ATRNL1: variants seen among roughly 807,000 people sequenced by gnomAD.
ATRNL1 encodes the protein attractin-like protein 1.
ATRNL1 carries 95 observed loss-of-function variants against 182.7 expected under a neutral mutation model. The observed-to-expected ratio is 0.52, with a 90% CI of 0.44 to 0.62. The LOEUF is 0.62. ATRNL1 is among the 20% of genes least tolerant of loss of function. The pLI is 0.00. For missense variants in ATRNL1, 1,471 were observed against 1,679.5 expected, an observed-to-expected ratio of 0.88 and a Z score of 2.17; for synonymous variants, 576 against 568.3, an observed-to-expected ratio of 1.01 and a Z score of -0.19.
intron 1 of ATRNL1, among the ~76,000 whole-genome samples, chr10:115,113,465 A>G (rs1844344337): frequency 6.6e-6 from 1 of 152,202 alleles, no homozygotes; most frequent in South Asian, 2.1e-4. Context: ...CCCAAATCTT[A>G]TCTTGAATTA....
chr10:115,467,393 A>C, intron 23 of ATRNL1, 141 bp downstream of exon 23: 1 of 504,538 alleles, frequency 2.0e-6, no homozygotes, highest in Non-Finnish European at 3.4e-6. Context: ...GGTAAAAATA[A>C]TAAGTAGAAA....
At chr10:115,522,938 A>G (rs1008371868) in intron 25 of ATRNL1, among the ~76,000 whole-genome samples, 1 of 152,232 alleles carries the variant, frequency 6.6e-6, no homozygotes, top group Non-Finnish European at 1.5e-5. Flanking sequence ...CCCTGGGAAC[A>G]TGGATGCACC....
intron 28 of ATRNL1, among the ~76,000 whole-genome samples, 162 bp downstream of exon 28, chr10:115,848,153 T>C (rs1183559348): frequency 6.6e-6 from 1 of 152,178 alleles, no homozygotes; most frequent in African/African-American, 2.4e-5. Flanking sequence ...ACTATCTAGA[T>C]ACCTGCATTG....
chr10:115,415,157 A>C (rs1554960633), intron 20 of ATRNL1, among the ~76,000 whole-genome samples: 1 of 152,036 alleles, frequency 6.6e-6, no homozygotes, highest in African/African-American at 2.4e-5. Context: ...TATTCCTACT[A>C]GCCCACATGG....
intron 27 of ATRNL1, among the ~76,000 whole-genome samples, chr10:115,729,036 A>G (rs1161559991): frequency 1.3e-5 from 2 of 152,140 alleles, no homozygotes; most frequent in Non-Finnish European, 2.9e-5. Flanking sequence ...GAGAAAAAAA[A>G]TGTAAGTAAT....
intron 18 of ATRNL1, among the ~76,000 whole-genome samples, chr10:115,333,941 A>G (rs1855358435): frequency 6.6e-6 from 1 of 152,176 alleles, no homozygotes; most frequent in African/African-American, 2.4e-5. Context: ...TATAGTATTT[A>G]GCCTTGTGTT....
At chr10:115,363,616 T>A (rs1439594075) in intron 19 of ATRNL1, among the ~76,000 whole-genome samples, 7 of 151,228 alleles carry the variant, frequency 4.6e-5, no homozygotes, top group South Asian at 2.1e-4. Context: ...TGAATGGTAA[T>A]GCCTAGGTTT....
At chr10:115,829,977 A>G (rs1356869034) in intron 27 of ATRNL1, among the ~76,000 whole-genome samples, 2 of 152,200 alleles carry the variant, frequency 1.3e-5, no homozygotes, top group Non-Finnish European at 2.9e-5. Flanking sequence ...GTCTGACTCT[A>G]TTCTACAGTA....
intron 19 of ATRNL1, among the ~76,000 whole-genome samples, chr10:115,352,162 CT>C (rs1189591657): frequency 2.6e-5 from 4 of 151,850 alleles, no homozygotes; most frequent in East Asian, 1.9e-4. Context: ...ATTGTAGTGT[CT>C]TTTTTTCATT....
chr10:115,866,310 T>A (rs1951438803), intron 28 of ATRNL1, among the ~76,000 whole-genome samples: 1 of 152,194 alleles, frequency 6.6e-6, no homozygotes, highest in Non-Finnish European at 1.5e-5. Flanking sequence ...CTATTATGAC[T>A]TTTTCTGAAC....
At chr10:115,462,080 A>G in intron 22 of ATRNL1, 45 bp downstream of exon 22, 1 of 1,397,952 alleles carries the variant, frequency 7.2e-7, no homozygotes. Flanking sequence ...ATTGGACACA[A>G]TTTTTTTTTC....
intron 1 of ATRNL1, among the ~76,000 whole-genome samples, chr10:115,094,469 T>C (rs895246526): frequency 6.6e-6 from 1 of 152,256 alleles, no homozygotes; most frequent in African/African-American, 2.4e-5. Context: ...GGTTCAGTTA[T>C]GATCTATGAG....
intron 26 of ATRNL1, among the ~76,000 whole-genome samples, chr10:115,587,681 C>T (rs532753271): frequency 0.02 from 3,025 of 152,158 alleles, 98 homozygotes; most frequent in African/African-American, 0.069. Context: ...TGAGATGAAC[C>T]TGGTACCTCA....
chr10:115,403,365 C>A (rs1268831449), intron 20 of ATRNL1, among the ~76,000 whole-genome samples: 10 of 146,450 alleles, frequency 6.8e-5, no homozygotes, highest in African/African-American at 2.5e-5. Context: ...GAATAATTTT[C>A]TGTACAGCCT....
chr10:115,692,950 T>C (rs1555048657), intron 26 of ATRNL1, among the ~76,000 whole-genome samples: 1 of 152,050 alleles, frequency 6.6e-6, no homozygotes, highest in Non-Finnish European at 1.5e-5. Context: ...CATCCCTCTT[T>C]ATAATAGGCA....
At chr10:115,613,643 C>T (rs897661012) in intron 26 of ATRNL1, among the ~76,000 whole-genome samples, 8 of 152,114 alleles carry the variant, frequency 5.3e-5, no homozygotes, top group Admixed American at 1.3e-4. Flanking sequence ...CAGCAGTGAA[C>T]CCATCAGGTA....
chr10:115,176,553 A>G (rs1214086834), intron 8 of ATRNL1, among the ~76,000 whole-genome samples: 1 of 152,086 alleles, frequency 6.6e-6, no homozygotes, highest in African/African-American at 2.4e-5. Flanking sequence ...GTATTTGCTG[A>G]GGGTTTAGAT....
At chr10:115,376,179 G>A (rs1554949476) in intron 19 of ATRNL1, among the ~76,000 whole-genome samples, 1 of 151,732 alleles carries the variant, frequency 6.6e-6, no homozygotes, top group East Asian at 1.9e-4. Flanking sequence ...TTATAAGGTT[G>A]TTGTTTTTTT....
At chr10:115,252,121 G>T (rs1554905501) in intron 10 of ATRNL1, among the ~76,000 whole-genome samples, 2 of 152,058 alleles carry the variant, frequency 1.3e-5, no homozygotes, top group Admixed American at 6.5e-5. Context: ...CTGTCTCCCG[G>T]GTTCAAGCAA....
Sources: allele counts gnomAD v4.1 joint callset (sites outside exome capture counted in the v4.1 genomes callset), GRCh38; gene constraint gnomAD v4.1.1; transcripts MANE v1.5; gene names NCBI Gene and HGNC (gene_info 2026-07-23, HGNC 2026-07-21).